MTO1: variants seen among roughly 807,000 people sequenced by gnomAD.
MTO1 encodes the protein 5-taurinomethyluridine-[tRNA] synthase subunit MTO1, mitochondrial.
In MTO1, 46 loss-of-function variants were observed where a neutral mutation model predicts 71.6. The ratio of observed to expected loss-of-function variants is 0.64; its 90% CI spans 0.51 to 0.82. The LOEUF (loss-of-function observed/expected upper bound fraction) is 0.82, where lower values mean the gene tolerates loss of function less well. MTO1 is among the 40% of genes least tolerant of loss of function. MTO1 has a pLI of 0.00. For missense variants in MTO1, 773 were observed against 867.5 expected (o/e 0.89, Z 1.37); for synonymous variants, 297 against 312.1 (o/e 0.95, Z 0.51).
At chr6:73,468,901 C>G (rs545700363) in intron 3 of MTO1, among the ~76,000 whole-genome samples, 10 of 152,186 alleles carry the variant, frequency 6.6e-5, no homozygotes, top group Middle Eastern at 3.4e-3. Context: ...AGCCACCACA[C>G]CTGGCCTTCT....
rs1772234974 is a variant in MTO1 at position 73,504,442 on chromosome 6, T to TG, written c.*3708dup. The TG allele has an allele frequency of 6.6e-6, 1 of 152,222 alleles. No individual in the cohort carries two copies. Among genetic ancestry groups the TG allele is most frequent in the African/African-American group, 2.4e-5 (1 of 41,454 alleles). 9.4% of individuals were successfully genotyped at this position (152,222 alleles called of 1,614,324 possible). ...CACCATGTGCCTGGCCCTACCTTAA[T>TG]GTTAATATCTGTCTACCTTAAGAAG... On this transcript the variant is annotated 3_prime_UTR_variant, in exon 12 of 12. Transcript: ENST00000498286.
intron 10 of MTO1, among the ~76,000 whole-genome samples, chr6:73,493,354 ATGTGTGTGTGTGTG>A (rs144509962): frequency 8.0e-4 from 112 of 139,458 alleles, no homozygotes; most frequent in East Asian, 7.4e-3. Context: ...ATGTGCATGT[ATGTGTGTGTGTGTG>A]TGTGTGTGTG....
At chr6:73,492,995 T>TGTGTGTGTGTGTGTGTGTGTA (rs540252865) in intron 10 of MTO1, among the ~76,000 whole-genome samples, 112 of 73,262 alleles carry the variant, frequency 1.5e-3, no homozygotes, top group African/African-American at 5.2e-3. Context: ...TGTGTGTGTA[T>TGTGTGTGTGTGTGTGTGTGTA]TTTTTTTTTT....
Position 73,482,064 on chromosome 6 carries a change from A to G in MTO1, c.1285A>G (p.Ser429Gly). ...AQGVIAGINA[S>G]LRVSRKPPFV... Reference sequence around the variant, plus strand: ...GGGTGTGATAGCCGGAATCAACGCCAGTCTTCGGGTCAGTCGCAAGCCTCC... The same window carrying G: ...GGGTGTGATAGCCGGAATCAACGCCGGTCTTCGGGTCAGTCGCAAGCCTCC... The change falls in exon 8 of 12, where the codon AGT becomes GGT. Residue 429 changes from serine to glycine, a missense_variant. Coordinates refer to ENST00000498286, the MANE Select transcript of MTO1 (RefSeq NM_012123.4). 4 of 1,614,160 alleles carry G rather than the reference A, an allele frequency of 2.5e-6. No individual in the cohort carries two copies. Among genetic ancestry groups the G allele is most frequent in the South Asian group, 2.2e-5 (2 of 91,084 alleles).
intron 1 of MTO1, chr6:73,464,056 T>A (rs930359540): frequency 6.6e-6 from 1 of 152,092 alleles, no homozygotes; most frequent in African/African-American, 2.4e-5. Context: ...TTTATATTTT[T>A]AAAAAATAAA....
intron 3 of MTO1, among the ~76,000 whole-genome samples, chr6:73,473,032 C>T (rs1771195638): frequency 6.6e-6 from 1 of 152,134 alleles, no homozygotes; most frequent in South Asian, 2.1e-4. Flanking sequence ...GTAATCCCAG[C>T]GCTTTGGGAG....
At chr6:73,474,530 C>T (rs1771253253) in intron 4 of MTO1, among the ~76,000 whole-genome samples, 1 of 152,192 alleles carries the variant, frequency 6.6e-6, no homozygotes, top group African/African-American at 2.4e-5. Flanking sequence ...TGCACTGCAA[C>T]TTCCGCATCC....
At position 73,479,752 on chromosome 6, in the gene MTO1, T is replaced by C. The variant is rs1243850465; in HGVS notation, c.846T>C (p.Cys282=). Residue 282 remains cysteine (C), a synonymous_variant, in exon 5 of 12, where the codon TGT becomes TGC. Transcript: ENST00000498286. The part of the protein sequence containing the change: ...VWIKPEDQLP[C]YLTHTNPRVD... ...TTTAGCCAGAAGATCAGCTGCCATG[T>C]TACTTGACTCACACCAACCCTAGAG... 6.2e-7 allele frequency: 1 copy of C among 1,613,230 alleles called. No homozygotes were observed. Among genetic ancestry groups the C allele is most frequent in the Admixed American group, 1.7e-5 (1 of 59,896 alleles).
chr6:73,491,411 A>AG lies in MTO1; in HGVS notation c.1638-823_1638-822insG, dbSNP rs1266662407. On this transcript the variant is annotated intron_variant, in intron 9 of 11. Transcript: ENST00000498286. ...CCTGTCTCTACAAAAAAAAAAAAAA[A>AG]AAGAAGAAGAAGAAAAAGACTTATG... 7.3e-3 allele frequency among the ~76,000 whole-genome samples: 1,034 copies of AG among 142,150 alleles called. 32 individuals carry two copies. The East Asian group carries it at 0.12, about 16-fold the overall frequency. The allele number at this position is 142,150 out of a possible 152,430, so 93.3% of individuals were successfully genotyped here. A position where few individuals can be genotyped will look rare whatever the true frequency, so the allele number is the denominator to read the frequency against.
In MTO1 at chr6:73,507,110, C is replaced by T. The variant is rs1210012600; in HGVS notation, c.*6375C>T. 6.6e-6 allele frequency: 1 copy of T among 151,916 alleles called. No homozygotes were observed. Among genetic ancestry groups the T allele is most frequent in the Non-Finnish European group, 1.5e-5 (1 of 68,004 alleles). 9.4% of individuals were successfully genotyped at this position (151,916 alleles called of 1,614,324 possible). A position where few individuals can be genotyped will look rare whatever the true frequency, so the allele number is the denominator to read the frequency against. On this transcript the variant is annotated 3_prime_UTR_variant, in exon 12 of 12. Transcript: ENST00000498286. ...CAGTTATAACTGGCAGCATTTGTGA[C>T]TGAAAAACATCTTAGATGCAATGAA...
At chr6:73,471,458 A>T (rs1255432123) in intron 3 of MTO1, 2 of 447,446 alleles carry the variant, frequency 4.5e-6, no homozygotes, top group Non-Finnish European at 8.9e-6. Flanking sequence ...CCTCTTTCTT[A>T]GGCTGGAGTG....
chr6:73,474,632 G>C (rs1771256573), intron 4 of MTO1, among the ~76,000 whole-genome samples: 1 of 151,782 alleles, frequency 6.6e-6, no homozygotes, highest in South Asian at 2.1e-4. Context: ...TAGTTTTGTA[G>C]AGACGGGGTT....
rs1770990736 is a variant in MTO1, at chr6:73,466,375, G to A, written c.384G>A (p.Gln128=). ...CAGCTGTGTGGGGTCTGAGAGCTCA[G>A]ATTGATAGGAAACTCTATAAACAGA... ...KGPAVWGLRA[Q]IDRKLYKQNM... Residue 128 remains glutamine, a synonymous_variant, in exon 2 of 12, where the codon CAG becomes CAA. Transcript: ENST00000498286. 3 of 1,614,158 alleles carry A rather than the reference G, an allele frequency of 1.9e-6. No individual in the cohort carries two copies. The highest frequency in any genetic ancestry group is 3.3e-5 in the Admixed American group (2 of 59,992).
intron 9 of MTO1, among the ~76,000 whole-genome samples, chr6:73,483,254 C>T (rs1169031595): frequency 2.0e-5 from 3 of 151,766 alleles, no homozygotes; most frequent in Non-Finnish European, 4.4e-5. Context: ...ACTAAAAATA[C>T]AAAAATTAGC....
intron 10 of MTO1, among the ~76,000 whole-genome samples, chr6:73,497,473 T>C (rs1176455172): frequency 1.3e-5 from 2 of 151,940 alleles, no homozygotes; most frequent in South Asian, 2.1e-4. Context: ...TTTTTTACTT[T>C]TAATTTTCCA....
In MTO1 at chr6:73,496,285, C is replaced by T. The variant is rs184430734; in HGVS notation, c.1757-1451C>T. Among the ~76,000 whole-genome samples the T allele has an allele frequency of 4.6e-3, 694 of 152,220 alleles. 5 individuals are homozygous for T. Among genetic ancestry groups the T allele is most frequent in the African/African-American group, 0.016 (665 of 41,522 alleles). On this transcript the variant is annotated intron_variant, in intron 10 of 11. Coordinates refer to ENST00000498286, the MANE Select transcript of MTO1 (RefSeq NM_012123.4). ...AAGCACCTCAATTTAGGTTTTAAAA[C>T]AGGTTTTTAATTTAATTTTCTAAGA...
chr6:73,480,594 T>A (rs774102792), intron 6 of MTO1, 81 bp from the exon 7 acceptor site: 24 of 1,536,562 alleles, frequency 1.6e-5, no homozygotes, highest in Non-Finnish European at 2.1e-5. Context: ...TTAAAGGGCA[T>A]TTAAGGGTAA....
intron 9 of MTO1, among the ~76,000 whole-genome samples, chr6:73,483,383 T>C (rs1771565988): frequency 6.6e-6 from 1 of 151,914 alleles, no homozygotes; most frequent in African/African-American, 2.4e-5. Context: ...CACTCCAGCC[T>C]GGGTGAGAGT....
chr6:73,478,625 A>G (rs1369251489), intron 4 of MTO1, among the ~76,000 whole-genome samples: 2 of 151,930 alleles, frequency 1.3e-5, no homozygotes, highest in African/African-American at 4.8e-5. Flanking sequence ...TGCAACCTCC[A>G]CCCCCTGGGT....
Sources: allele counts gnomAD v4.1 joint callset (sites outside exome capture counted in the v4.1 genomes callset), GRCh38; gene constraint gnomAD v4.1.1; transcripts MANE v1.5; gene names NCBI Gene and HGNC (gene_info 2026-07-23, HGNC 2026-07-21).